The following WWOX variants were observed in gnomAD, a reference collection of about 807,000 sequenced individuals.
WWOX encodes the protein WW domain containing oxidoreductase, also known as WW domain-containing oxidoreductase.
WWOX carries 69 observed loss-of-function variants against 46.2 expected under a neutral mutation model. That is an observed-to-expected ratio of 1.49 (90% CI 1.23 to 1.82). The LOEUF is 1.82. WWOX is among the 40% of genes most tolerant of loss of function. The pLI, the probability that WWOX is intolerant of heterozygous loss-of-function variation, is 0.00. For missense variants in WWOX, 919 were observed against 542.6 expected, an observed-to-expected ratio of 1.69 and a Z score of -6.89; for synonymous variants, 359 against 202.6, an observed-to-expected ratio of 1.77 and a Z score of -6.56.
rs565044186 is a variant in WWOX, at chr16:78,518,238, T to G, written c.1056+85486T>G. Among the ~76,000 whole-genome samples the G allele has an allele frequency of 1.9e-4, 29 of 152,248 alleles. No individual in the cohort carries two copies. The South Asian group carries it at 6.0e-3, about 32-fold the overall frequency. ...ATTATTATTAATGTTATTTTTTGTTTGTTTGTTTTTTGAGATGGAGTCTTG... is the reference window on the plus strand; with the variant it reads ...ATTATTATTAATGTTATTTTTTGTTGGTTTGTTTTTTGAGATGGAGTCTTG... On this transcript the variant is annotated intron_variant, in intron 8 of 8. Coordinates refer to ENST00000566780, the MANE Select transcript of WWOX (RefSeq NM_016373.4).
chr16:78,933,216 A>T lies in WWOX; in HGVS notation c.1057-278392A>T, dbSNP rs4887993. On this transcript the variant is annotated intron_variant, in intron 8 of 8. Transcript: ENST00000566780. ...CACTTTGGCAGGCCAAGGCGGGTGG[A>T]TCACCTAAGGTCAGGAGTTCGAGAC... 2.4e-3 allele frequency among the ~76,000 whole-genome samples: 367 copies of T among 152,342 alleles called. 4 individuals carry two copies. The highest frequency in any genetic ancestry group is 0.02 in the East Asian group (102 of 5,166).
At chr16:79,009,844 C>T (rs2047267899) in intron 8 of WWOX, among the ~76,000 whole-genome samples, 1 of 152,172 alleles carries the variant, frequency 6.6e-6, no homozygotes, top group South Asian at 2.1e-4. Flanking sequence ...ATCATGGGGG[C>T]TTCGACCTCA....
intron 8 of WWOX, among the ~76,000 whole-genome samples, chr16:78,771,420 A>G (rs950873554): frequency 6.6e-6 from 1 of 152,176 alleles, no homozygotes; most frequent in Non-Finnish European, 1.5e-5. Context: ...TGGAGATAGA[A>G]GTGATGGTTG....
At chr16:78,722,387 G>A (rs1423088601) in intron 8 of WWOX, among the ~76,000 whole-genome samples, 1 of 152,276 alleles carries the variant, frequency 6.6e-6, no homozygotes, top group South Asian at 2.1e-4. Flanking sequence ...TGTGTTTAAG[G>A]ATTCAGTGAT....
In WWOX at chr16:79,212,245, T is replaced by C. The variant is rs1485188364; in HGVS notation, c.*449T>C. ...TGTTCACTGCTCCTTGCTGCATTGA[T>C]CCAGGAGATAATTGTTTCATTCATC... On this transcript the variant is annotated 3_prime_UTR_variant, in exon 9 of 9. Transcript: ENST00000566780. 6.7e-6 allele frequency: 9 copies of C among 1,337,442 alleles called. No homozygotes were observed. In the Admixed American group the frequency reaches 1.1e-4, roughly 17 times the overall value. 82.8% of individuals were successfully genotyped at this position (1,337,442 alleles called of 1,614,324 possible). A position where few individuals can be genotyped will look rare whatever the true frequency, so the allele number is the denominator to read the frequency against.
At chr16:79,032,666 GTA>G (rs35179419) in intron 8 of WWOX, among the ~76,000 whole-genome samples, 19,351 of 147,794 alleles carry the variant, frequency 0.13, 1,599 homozygotes, top group African/African-American at 0.23. Context: ...ATTTACATAT[GTA>G]TATATATATA....
intron 8 of WWOX, among the ~76,000 whole-genome samples, chr16:78,672,928 T>C (rs2194340): frequency 0.26 from 39,582 of 152,188 alleles, 7,970 homozygotes; most frequent in African/African-American, 0.56. Context: ...CCTTCGTCTC[T>C]CTGGCGGTGA....
At chr16:78,381,906 C>G (rs1285341189) in intron 5 of WWOX, among the ~76,000 whole-genome samples, 1 of 152,104 alleles carries the variant, frequency 6.6e-6, no homozygotes, top group Non-Finnish European at 1.5e-5. Flanking sequence ...TGTTCTGTTG[C>G]CCAGGCTGGA....
rs567039080 is a variant in WWOX at position 78,759,515 on chromosome 16, G to C, written c.1056+326763G>C. Among the ~76,000 whole-genome samples, 13 of 152,276 alleles carry C rather than the reference G, an allele frequency of 8.5e-5. No individual in the cohort carries two copies. The East Asian group carries it at 1.9e-3, about 23-fold the overall frequency. On this transcript the variant is annotated intron_variant, in intron 8 of 8. Coordinates refer to ENST00000566780, the MANE Select transcript of WWOX (RefSeq NM_016373.4). ...TGACATACAGTGTCATCAAGGAGCA[G>C]TGGGTGAGCCTGCCCATATCTCGGG...
At chr16:78,351,777 C>G (rs775867740) in intron 5 of WWOX, among the ~76,000 whole-genome samples, 8 of 152,150 alleles carry the variant, frequency 5.3e-5, no homozygotes, top group Admixed American at 6.5e-5. Context: ...CTCTCCCAGC[C>G]TCCCGAGTCT....
At chr16:78,389,840 C>T (rs2082142388) in intron 6 of WWOX, among the ~76,000 whole-genome samples, 1 of 152,122 alleles carries the variant, frequency 6.6e-6, no homozygotes, top group Admixed American at 6.6e-5. Flanking sequence ...AACCTCTGGC[C>T]TTGGGTTCAA....
chr16:78,147,052 AACAC>A (rs894745096), intron 4 of WWOX, among the ~76,000 whole-genome samples: 16 of 152,166 alleles, frequency 1.1e-4, no homozygotes, highest in African/African-American at 3.6e-4. Flanking sequence ...AATAGTAACA[AACAC>A]ACACAAGCCA....
chr16:79,007,450 A>C (rs1784155826), intron 8 of WWOX, among the ~76,000 whole-genome samples: 1 of 152,200 alleles, frequency 6.6e-6, no homozygotes, highest in Non-Finnish European at 1.5e-5. Flanking sequence ...GTATTGGAGA[A>C]GATGAGGCCA....
At chr16:79,143,444 G>T (rs1403148828) in intron 8 of WWOX, among the ~76,000 whole-genome samples, 1 of 152,160 alleles carries the variant, frequency 6.6e-6, no homozygotes, top group South Asian at 2.1e-4. Flanking sequence ...CTGAACGGTG[G>T]TGTATTCTGT....
intron 8 of WWOX, among the ~76,000 whole-genome samples, chr16:78,855,359 G>C (rs906887975): frequency 2.0e-5 from 3 of 152,176 alleles, no homozygotes; most frequent in African/African-American, 7.2e-5. Flanking sequence ...TTTAGTGTTA[G>C]CTGACTAAAA....
At chr16:79,095,320 C>T (rs1365915665) in intron 8 of WWOX, among the ~76,000 whole-genome samples, 3 of 152,190 alleles carry the variant, frequency 2.0e-5, no homozygotes, top group Non-Finnish European at 4.4e-5. Context: ...GCTCAAACTG[C>T]TTTCAGGCAT....
At chr16:78,566,199 T>C (rs964140661) in intron 8 of WWOX, among the ~76,000 whole-genome samples, 1 of 152,124 alleles carries the variant, frequency 6.6e-6, no homozygotes, top group South Asian at 2.1e-4. Context: ...CCGTCCCCCA[T>C]GATCTCATTT....
At chr16:78,759,459 G>C (rs1235942571) in intron 8 of WWOX, among the ~76,000 whole-genome samples, 1 of 152,142 alleles carries the variant, frequency 6.6e-6, no homozygotes, top group Non-Finnish European at 1.5e-5. Flanking sequence ...AGCCAGTGAG[G>C]ATTTTGGTGG....
At chr16:78,445,130 G>C (rs371840417) in intron 8 of WWOX, among the ~76,000 whole-genome samples, 1 of 152,202 alleles carries the variant, frequency 6.6e-6, no homozygotes, top group Admixed American at 6.5e-5. Context: ...TGAAGGGAAA[G>C]AAATGATACA....
Sources: allele counts gnomAD v4.1 joint callset (sites outside exome capture counted in the v4.1 genomes callset), GRCh38; gene constraint gnomAD v4.1.1; transcripts MANE v1.5; gene names NCBI Gene and HGNC (gene_info 2026-07-23, HGNC 2026-07-21).